GULP1: variants seen among roughly 807,000 people sequenced by gnomAD.
GULP1 encodes PTB domain-containing engulfment adapter protein 1.
GULP1 carries 19 observed loss-of-function variants against 40.9 expected under a neutral mutation model. The ratio of observed to expected loss-of-function variants is 0.46; its 90% CI spans 0.32 to 0.68. GULP1 has a LOEUF of 0.68. Ranked by LOEUF, GULP1 falls within the 30% of genes least tolerant of loss-of-function variation. The probability of loss-of-function intolerance (pLI) is 0.03; values close to 1 mark genes in which losing one functional copy is unlikely to be tolerated. For synonymous variants in GULP1, 119 were observed against 117.6 expected (o/e 1.01, Z -0.08); for missense variants, 312 against 362.2 (o/e 0.86, Z 1.12).
At chr2:188,472,980 G>A (rs544001970) in intron 2 of GULP1, among the ~76,000 whole-genome samples, 2 of 152,298 alleles carry the variant, frequency 1.3e-5, no homozygotes, top group South Asian at 2.1e-4. Context: ...GATCTAAGTT[G>A]TATCTGCTTT....
rs1473365065 is a variant in GULP1, at chr2:188,406,219, T to A, written c.-45+22330T>A. Among the ~76,000 whole-genome samples the A allele has an allele frequency of 2.0e-5, 3 of 152,220 alleles. No individual in the cohort carries two copies. In the East Asian group the frequency reaches 5.8e-4, roughly 29 times the overall value. ...ATGGTATAGCCTATTGCTCCTAGGC[T>A]ACAAACCTGTACAGCATGTACATAC... On this transcript the variant is annotated intron_variant, in intron 2 of 11. Transcript: ENST00000409830.
At chr2:188,580,508 C>A (rs954452305) in intron 9 of GULP1, among the ~76,000 whole-genome samples, 2 of 150,392 alleles carry the variant, frequency 1.3e-5, no homozygotes, top group African/African-American at 4.9e-5. Flanking sequence ...AGCCGAGATC[C>A]CGCCACTGCA....
chr2:188,390,219 A>G (rs191964905), intron 2 of GULP1, among the ~76,000 whole-genome samples: 38 of 152,214 alleles, frequency 2.5e-4, no homozygotes, highest in East Asian at 1.9e-4. Context: ...TAGATATTGT[A>G]CTGATTTACA....
At chr2:188,533,750 C>T (rs1421986530) in intron 6 of GULP1, among the ~76,000 whole-genome samples, 2 of 151,946 alleles carry the variant, frequency 1.3e-5, no homozygotes, top group African/African-American at 2.4e-5. Flanking sequence ...ATCTAATATC[C>T]GGAATCTATA....
chr2:188,311,934 C>G (rs1001405568), intron 1 of GULP1, among the ~76,000 whole-genome samples: 11 of 148,934 alleles, frequency 7.4e-5, no homozygotes, highest in Admixed American at 2.0e-4. Context: ...ACAATTACTA[C>G]TAAACATTTC....
chr2:188,416,126 TC>T, intron 2 of GULP1, among the ~76,000 whole-genome samples: 1 of 152,316 alleles, frequency 6.6e-6, no homozygotes, highest in East Asian at 1.9e-4. Flanking sequence ...TTTCCACTCT[TC>T]AAAATGAAAT....
intron 9 of GULP1, among the ~76,000 whole-genome samples, chr2:188,583,851 T>G (rs1020586546): frequency 2.6e-5 from 4 of 152,216 alleles, no homozygotes; most frequent in Non-Finnish European, 5.9e-5. Context: ...TATGTCTAAT[T>G]ATTCCAGTTT....
rs543133928 is a variant in GULP1, at chr2:188,583,900, A to ATTT, written c.610-362_610-360dup. On this transcript the variant is annotated intron_variant, in intron 9 of 11. Coordinates refer to ENST00000409830, the MANE Select transcript of GULP1 (RefSeq NM_016315.4). ...ATGCAGCGTATCTTACTGAAATCAT[A>ATTT]TTTTTACATGAATAGTTTCTAATAT... 6.6e-5 allele frequency among the ~76,000 whole-genome samples: 10 copies of ATTT among 152,332 alleles called. No individual in the cohort carries two copies. The South Asian group carries it at 1.9e-3, about 28-fold the overall frequency.
chr2:188,438,376 A>C (rs780415922), intron 2 of GULP1, among the ~76,000 whole-genome samples: 29 of 151,160 alleles, frequency 1.9e-4, no homozygotes, highest in Non-Finnish European at 3.4e-4. Flanking sequence ...TATCACATGT[A>C]TAGCATATAT....
At chr2:188,518,283 G>T (rs969389032) in intron 4 of GULP1, among the ~76,000 whole-genome samples, 4 of 152,062 alleles carry the variant, frequency 2.6e-5, no homozygotes, top group African/African-American at 9.7e-5. Context: ...CCGACAAGAA[G>T]AAAAAATGAA....
chr2:188,488,551 A>C (rs1219025771), intron 4 of GULP1, among the ~76,000 whole-genome samples: 1 of 152,088 alleles, frequency 6.6e-6, no homozygotes, highest in African/African-American at 2.4e-5. Flanking sequence ...TCTTGAGAAT[A>C]ATGTAGCATT....
chr2:188,509,377 T>G (rs1214519170), intron 4 of GULP1, among the ~76,000 whole-genome samples: 1 of 152,140 alleles, frequency 6.6e-6, no homozygotes, highest in East Asian at 1.9e-4. Context: ...CATAGCACAC[T>G]AATGACAGTT....
chr2:188,413,436 C>A (rs2054174586), intron 2 of GULP1, among the ~76,000 whole-genome samples: 1 of 152,156 alleles, frequency 6.6e-6, no homozygotes, highest in South Asian at 2.1e-4. Flanking sequence ...CTCTGCTGAC[C>A]AGTGATGATG....
intron 5 of GULP1, among the ~76,000 whole-genome samples, chr2:188,523,489 TG>T (rs1424039780): frequency 2.6e-5 from 4 of 152,220 alleles, no homozygotes; most frequent in Non-Finnish European, 4.4e-5. Context: ...ACTGAGCTTT[TG>T]AAATTTACAA....
At chr2:188,385,527 C>G (rs182208672) in intron 2 of GULP1, among the ~76,000 whole-genome samples, 2 of 152,280 alleles carry the variant, frequency 1.3e-5, no homozygotes, top group African/African-American at 2.4e-5. Flanking sequence ...CTCCTTGTTA[C>G]TTATGCAAAT....
At chr2:188,370,318 T>G (rs1161237286) in intron 1 of GULP1, among the ~76,000 whole-genome samples, 1 of 152,182 alleles carries the variant, frequency 6.6e-6, no homozygotes, top group African/African-American at 2.4e-5. Flanking sequence ...ACAAGTGCAC[T>G]GGTTGGACAA....
intron 2 of GULP1, among the ~76,000 whole-genome samples, chr2:188,427,384 A>G (rs2056337930): frequency 6.6e-6 from 1 of 152,190 alleles, no homozygotes; most frequent in Non-Finnish European, 1.5e-5. Context: ...TAGCCAAGAC[A>G]ATGGGAAAAA....
At chr2:188,308,222 G>A (rs2037466412) in intron 1 of GULP1, among the ~76,000 whole-genome samples, 1 of 152,076 alleles carries the variant, frequency 6.6e-6, no homozygotes, top group African/African-American at 2.4e-5. Flanking sequence ...CATCAGCACA[G>A]TCATTAAAGT....
At chr2:188,377,700 C>T (rs928183628) in intron 1 of GULP1, among the ~76,000 whole-genome samples, 4 of 151,984 alleles carry the variant, frequency 2.6e-5, no homozygotes, top group Admixed American at 2.0e-4. Flanking sequence ...CAATAAAAAT[C>T]GAGAATAGGA....
Sources: allele counts gnomAD v4.1 joint callset (sites outside exome capture counted in the v4.1 genomes callset), GRCh38; gene constraint gnomAD v4.1.1; transcripts MANE v1.5; gene names NCBI Gene and HGNC (gene_info 2026-07-23, HGNC 2026-07-21).